Variants in CORO2B observed in about 807,000 individuals in gnomAD.
The protein encoded by CORO2B is coronin 2B.
A neutral mutation model predicts 58.8 loss-of-function variants in CORO2B; 26 were observed. That is an observed-to-expected ratio of 0.44 (90% CI 0.32 to 0.61). The LOEUF (loss-of-function observed/expected upper bound fraction) is 0.61, where lower values mean the gene tolerates loss of function less well. CORO2B is among the 20% of genes least tolerant of loss of function. The pLI is 0.04. For synonymous variants in CORO2B, 242 were observed against 253.8 expected, an observed-to-expected ratio of 0.95 and a Z score of 0.44; for missense variants, 460 against 645.1, an observed-to-expected ratio of 0.71 and a Z score of 3.11.
chr15:68,548,605 T>C, the CORO2B span, among the ~76,000 whole-genome samples: 1 of 152,222 alleles, frequency 6.6e-6, no homozygotes, highest in Admixed American at 6.5e-5. Flanking sequence ...AAAACAAAAC[T>C]GCTATGTGCA....
the CORO2B span, among the ~76,000 whole-genome samples, chr15:68,556,734 C>T: frequency 2.0e-5 from 3 of 152,220 alleles, no homozygotes; most frequent in African/African-American, 7.2e-5. Context: ...GTCTTCTCCC[C>T]CTCCCAGATC....
At chr15:68,724,127 G>T (rs568417691) in intron 11 of CORO2B, among the ~76,000 whole-genome samples, 3 of 152,194 alleles carry the variant, frequency 2.0e-5, no homozygotes, top group Non-Finnish European at 4.4e-5. Context: ...CCTTGAACCC[G>T]GGAAGCGGAG....
Position 68,726,375 on chromosome 15 carries a change from C to G in CORO2B, c.*401C>G. 3.7e-6 allele frequency: 1 copy of G among 271,418 alleles called. No individual in the cohort carries two copies. The highest frequency in any genetic ancestry group is 2.4e-5 in the African/African-American group (1 of 42,506). 16.8% of individuals were successfully genotyped at this position (271,418 alleles called of 1,614,324 possible). ...GGGCTGCCAGGACATCTCAGCACTC[C>G]CGCCTGGAGCTCTCAGCATCACTGA... On this transcript the variant is annotated 3_prime_UTR_variant, in exon 12 of 12. Transcript: ENST00000261861.
the CORO2B span, among the ~76,000 whole-genome samples, chr15:68,562,455 C>T: frequency 7.4e-3 from 1,124 of 152,258 alleles, 14 homozygotes; most frequent in African/African-American, 0.026. Context: ...GTATAGGGCT[C>T]ATGTCTTTAC....
chr15:68,702,821 C>CTTTTTTTTTTT lies in CORO2B; in HGVS notation c.333+7578_333+7588dup, dbSNP rs113249272. 4.3e-4 allele frequency among the ~76,000 whole-genome samples: 41 copies of CTTTTTTTTTTT among 96,248 alleles called. 1 individual carries two copies. The highest frequency in any genetic ancestry group is 5.9e-4 in the African/African-American group (13 of 22,124). The allele number at this position is 96,248 out of a possible 152,430, so 63.1% of individuals were successfully genotyped here. On this transcript the variant is annotated intron_variant, in intron 3 of 11. Transcript: ENST00000261861. ...ACCATATCTTTTTCTTTTTCTTTTT[C>CTTTTTTTTTTT]TTTTTTTTTTTTTTTTTTTTTTTGA...
intron 1 of CORO2B, among the ~76,000 whole-genome samples, chr15:68,593,262 G>A (rs988661300): frequency 1.3e-5 from 2 of 152,210 alleles, no homozygotes; most frequent in African/African-American, 4.8e-5. Context: ...CCGTAGCCAT[G>A]GGTGTATGAC....
intron 1 of CORO2B, among the ~76,000 whole-genome samples, chr15:68,580,512 G>A (rs981370332): frequency 2.0e-5 from 3 of 152,112 alleles, no homozygotes; most frequent in Admixed American, 1.3e-4. Context: ...ATGTTTGTGC[G>A]GATTCTTGGG....
chr15:68,719,717 A>G (rs899744138), intron 11 of CORO2B, among the ~76,000 whole-genome samples, 165 bp downstream of exon 11: 5 of 152,184 alleles, frequency 3.3e-5, no homozygotes, highest in Admixed American at 6.5e-5. Flanking sequence ...TCTGACCCCA[A>G]TAAATAGAAG....
intron 3 of CORO2B, among the ~76,000 whole-genome samples, chr15:68,707,415 C>T (rs898610304): frequency 3.3e-5 from 5 of 152,282 alleles, no homozygotes; most frequent in African/African-American, 1.2e-4. Flanking sequence ...CACCGCTGCA[C>T]AAACTTGGAT....
intron 2 of CORO2B, among the ~76,000 whole-genome samples, chr15:68,659,852 C>T (rs1422718936): frequency 4.6e-5 from 7 of 152,058 alleles, no homozygotes; most frequent in Non-Finnish European, 1.0e-4. Context: ...GAGAATCACT[C>T]GAACCCGGGA....
the CORO2B span, among the ~76,000 whole-genome samples, chr15:68,536,455 T>C: frequency 6.6e-6 from 1 of 152,358 alleles, no homozygotes; most frequent in East Asian, 1.9e-4. Context: ...AATGAGAATC[T>C]TAAGTGATTC....
intron 7 of CORO2B, 143 bp from the exon 8 acceptor site, chr15:68,715,072 G>C: frequency 1.3e-6 from 1 of 754,250 alleles, no homozygotes; most frequent in Non-Finnish European, 2.3e-6. Flanking sequence ...CACCCACTAG[G>C]AGCCTAGAAG....
At chr15:68,724,402 G>A (rs1357098894) in intron 11 of CORO2B, among the ~76,000 whole-genome samples, 1 of 152,110 alleles carries the variant, frequency 6.6e-6, no homozygotes, top group African/African-American at 2.4e-5. Flanking sequence ...TCATCTGAAA[G>A]CAAAGTCCTA....
chr15:68,568,539 C>A, the CORO2B span, among the ~76,000 whole-genome samples: 1 of 152,098 alleles, frequency 6.6e-6, no homozygotes, highest in Non-Finnish European at 1.5e-5. Flanking sequence ...AGTGATTGAC[C>A]TGAACTCCCA....
intron 1 of CORO2B, among the ~76,000 whole-genome samples, chr15:68,590,909 T>G (rs1343868138): frequency 6.6e-6 from 1 of 152,192 alleles, no homozygotes; most frequent in African/African-American, 2.4e-5. Context: ...TGTTCTCCTA[T>G]GCAGGGCCGG....
the CORO2B span, among the ~76,000 whole-genome samples, chr15:68,568,319 C>T: frequency 1.3e-5 from 2 of 150,656 alleles, no homozygotes; most frequent in African/African-American, 2.4e-5. Flanking sequence ...AAAGTCGGAG[C>T]GGTTATAAGG....
chr15:68,689,728 T>C lies in CORO2B; in HGVS notation c.217-5412T>C, dbSNP rs905891756. ...ATGTGGGACTTGGGGAGAAGATTGC[T>C]GACATTTTTTAAAAATTTACAATCA... On this transcript the variant is annotated intron_variant, in intron 2 of 11. Transcript: ENST00000261861. 4.6e-5 allele frequency among the ~76,000 whole-genome samples: 7 copies of C among 152,230 alleles called. No individual in the cohort carries two copies. The South Asian group carries it at 8.3e-4, about 18-fold the overall frequency.
At chr15:68,641,499 G>C (rs900368067) in intron 1 of CORO2B, 4 of 982,976 alleles carry the variant, frequency 4.1e-6, no homozygotes, top group Non-Finnish European at 4.8e-6. Flanking sequence ...AAAAGGAGAA[G>C]GGGGAGGGTG....
the CORO2B span, among the ~76,000 whole-genome samples, chr15:68,535,829 G>C: frequency 2.0e-5 from 3 of 152,266 alleles, no homozygotes; most frequent in Non-Finnish European, 4.4e-5. Context: ...TGGTTTGTAA[G>C]AATTGTATGG....
Sources: allele counts gnomAD v4.1 joint callset (sites outside exome capture counted in the v4.1 genomes callset), GRCh38; gene constraint gnomAD v4.1.1; transcripts MANE v1.5; gene names NCBI Gene and HGNC (gene_info 2026-07-23, HGNC 2026-07-21).